ASMTL: variants seen among roughly 807,000 people sequenced by gnomAD.
ASMTL encodes probable bifunctional dTTP/UTP pyrophosphatase/methyltransferase protein.
ASMTL carries 57 observed loss-of-function variants against 60.3 expected under a neutral mutation model. The ratio of observed to expected loss-of-function variants is 0.95; its 90% CI spans 0.76 to 1.18. The LOEUF is 1.18. Among genes scored for constraint, ASMTL ranks in the 50% most tolerant of loss-of-function variants. The pLI is 0.00. For synonymous variants in ASMTL, 419 were observed against 373.0 expected, an observed-to-expected ratio of 1.12 and a Z score of -1.42; for missense variants, 981 against 852.6, an observed-to-expected ratio of 1.15 and a Z score of -1.88.
chrX:1,406,467 G>C (rs1466462397), intron 12 of ASMTL, among the ~76,000 whole-genome samples: 1 of 151,032 alleles, frequency 6.6e-6, no homozygotes, highest in Non-Finnish European at 1.5e-5. Context: ...TAGATGATGG[G>C]TACGTAGATA....
At chrX:1,444,996 CTT>C (rs1491373931) in intron 1 of ASMTL, among the ~76,000 whole-genome samples, 2 of 152,120 alleles carry the variant, frequency 1.3e-5, no homozygotes. Context: ...CTTCTTCCCT[CTT>C]CTCTCTCTCT....
At chrX:1,435,840 G>C in intron 3 of ASMTL, 82 bp from the exon 4 acceptor site, 1 of 1,211,100 alleles carries the variant, frequency 8.3e-7, no homozygotes, top group Non-Finnish European at 1.2e-6. Flanking sequence ...ATTCGCAGAA[G>C]TCACTTGTTT....
At position 1,435,745 on chromosome X, in the gene ASMTL, AG is replaced by A; in HGVS notation, c.286del (p.Leu96Ter). 3.1e-6 allele frequency: 5 copies of A among 1,613,552 alleles called. No individual in the cohort carries two copies. In the African/African-American group the frequency reaches 4.0e-5, roughly 13 times the overall value. On this transcript the variant is annotated frameshift_variant, in exon 4 of 13. Transcript: ENST00000381317. LOFTEE classifies it high-confidence loss of function. ...GADTIVTVGG[L>X]ILEKPVDKQD... is the part of the protein sequence containing the mutation. The stretch of plus-strand genomic sequence containing the variant: ...CTTGTCCACCGGCTTCTCCAGAATC[AG>A]CCCCCCGACTGTCTGTGAGAGGAAG...
At chrX:1,433,043 A>T (rs2090850720) in intron 5 of ASMTL, among the ~76,000 whole-genome samples, 1 of 152,098 alleles carries the variant, frequency 6.6e-6, no homozygotes, top group Non-Finnish European at 1.5e-5. Flanking sequence ...GGTTGCAGTG[A>T]GCCAAGATCA....
intron 9 of ASMTL, among the ~76,000 whole-genome samples, chrX:1,420,187 G>T (rs1256621775): frequency 6.6e-6 from 1 of 150,918 alleles, no homozygotes; most frequent in African/African-American, 2.4e-5. Context: ...GCCTCCCTCT[G>T]TCTCTCAAGT....
At chrX:1,431,402 T>C (rs1477221495) in intron 6 of ASMTL, among the ~76,000 whole-genome samples, 33 of 136,410 alleles carry the variant, frequency 2.4e-4, no homozygotes, top group Non-Finnish European at 7.6e-5. Flanking sequence ...TATTATATAA[T>C]CTATTTTAAC....
rs1207243257 is a variant in ASMTL, at chrX:1,413,000, C to T, written c.1523-146G>A. 1.1e-5 allele frequency: 9 copies of T among 853,634 alleles called. No individual in the cohort carries two copies. In the African/African-American group the frequency reaches 1.2e-4, roughly 11 times the overall value. 52.9% of individuals were successfully genotyped at this position (853,634 alleles called of 1,614,324 possible). On this transcript the variant is annotated intron_variant, in intron 11 of 12. Transcript: ENST00000381317. ...GGGAATGGGTCTTCCTGAAGTACAT[C>T]CCCGTGGGGACTTGAACAGAGCTCC...
intron 1 of ASMTL, among the ~76,000 whole-genome samples, chrX:1,448,647 G>C (rs1279247934): frequency 2.7e-5 from 4 of 149,526 alleles, no homozygotes; most frequent in African/African-American, 9.9e-5. Context: ...CGCCATCTTG[G>C]ATAAGCACCA....
At chrX:1,435,960 C>G (rs1306553353) in intron 3 of ASMTL, among the ~76,000 whole-genome samples, 1 of 152,140 alleles carries the variant, frequency 6.6e-6, no homozygotes, top group African/African-American at 2.4e-5. Flanking sequence ...CTCTTCACTC[C>G]AGAAGGAGAC....
At chrX:1,420,157 G>C (rs1158430267) in intron 9 of ASMTL, among the ~76,000 whole-genome samples, 1 of 150,260 alleles carries the variant, frequency 6.7e-6, no homozygotes, top group Non-Finnish European at 1.5e-5. Context: ...CTTTGTTTCT[G>C]TCTCCCTATC....
intron 6 of ASMTL, chrX:1,432,053 G>A (rs1320161846): frequency 1.5e-5 from 9 of 592,202 alleles, no homozygotes; most frequent in Non-Finnish European, 2.7e-5. Context: ...CTCCCACCCT[G>A]CCCCTCTCTG....
At chrX:1,434,973 G>T (rs371243592) in intron 5 of ASMTL, 49 bp downstream of exon 5, 2 of 1,606,230 alleles carry the variant, frequency 1.2e-6, no homozygotes, top group Non-Finnish European at 1.7e-6. Context: ...AATGTCCCGG[G>T]TCCTTGTCTC....
intron 5 of ASMTL, among the ~76,000 whole-genome samples, chrX:1,434,029 T>C (rs1381310093): frequency 6.6e-6 from 1 of 152,166 alleles, no homozygotes; most frequent in Non-Finnish European, 1.5e-5. Flanking sequence ...GGAGGTCCCA[T>C]GGGACCCGGC....
chrX:1,417,846 G>A (rs1192092535), intron 11 of ASMTL, 127 bp downstream of exon 11: 1 of 1,224,948 alleles, frequency 8.2e-7, no homozygotes, highest in Non-Finnish European at 1.1e-6. Context: ...AGTCCCATTT[G>A]CACACACATA....
At position 1,413,412 on chromosome X, in the gene ASMTL, G is replaced by A. The variant is rs771242251; in HGVS notation, c.1523-558C>T. 4.6e-5 allele frequency among the ~76,000 whole-genome samples: 7 copies of A among 152,340 alleles called. No individual in the cohort carries two copies. The South Asian group carries it at 1.2e-3, about 27-fold the overall frequency. On this transcript the variant is annotated intron_variant, in intron 11 of 12. Transcript: ENST00000381317. ...CCTGGGCGAGGCAGGCAGAGTCGGC[G>A]CACATGGGCGTGTGCCAGGGAGAGT...
intron 3 of ASMTL, among the ~76,000 whole-genome samples, chrX:1,437,349 A>G (rs1380405461): frequency 1.5e-4 from 21 of 143,308 alleles, no homozygotes; most frequent in Non-Finnish European, 2.1e-4. Context: ...AAACAATACT[A>G]TAGACTGGGT....
chrX:1,447,815 A>T lies in ASMTL; in HGVS notation c.93+4933T>A, dbSNP rs772862531. Among the ~76,000 whole-genome samples, 24 of 118,392 alleles carry T rather than the reference A, an allele frequency of 2.0e-4. No individual in the cohort carries two copies. In the East Asian group the frequency reaches 5.8e-3, roughly 29 times the overall value. The allele number at this position is 118,392 out of a possible 152,430, so 77.7% of individuals were successfully genotyped here. On this transcript the variant is annotated intron_variant, in intron 1 of 12. Transcript: ENST00000381317. ...AAGCACCACCATCTTGGACACACAC[A>T]GCTATCTTGGATAAGCACTACCATC...
chrX:1,428,594 C>T (rs1478012253), intron 6 of ASMTL, among the ~76,000 whole-genome samples: 1 of 148,610 alleles, frequency 6.7e-6, no homozygotes, highest in Non-Finnish European at 1.5e-5. Flanking sequence ...TTGCAGTGAG[C>T]CGAGATCGTG....
intron 12 of ASMTL, among the ~76,000 whole-genome samples, chrX:1,412,030 T>G (rs1247856085): frequency 6.6e-6 from 1 of 151,996 alleles, no homozygotes; most frequent in Non-Finnish European, 1.5e-5. Flanking sequence ...TTGGCCAGGC[T>G]GGTCTCAAAC....
Sources: gnomAD v4.1 joint callset for allele counts (sites outside exome capture counted in the v4.1 genomes callset) on GRCh38, gnomAD v4.1.1 for gene constraint, MANE v1.5 for transcripts, NCBI Gene and HGNC (gene_info 2026-07-23, HGNC 2026-07-21) for gene names.